Variants in ZNF280B observed in about 807,000 individuals in gnomAD.
ZNF280B encodes the protein suppressor of hairy wing homolog 2.
Under a neutral mutation model 38.0 loss-of-function variants are expected in ZNF280B, and 16 were observed. The ratio of observed to expected loss-of-function variants is 0.42; its 90% CI spans 0.28 to 0.64. The LOEUF is 0.64. ZNF280B is among the 30% of genes least tolerant of loss of function. The pLI, the probability that ZNF280B is intolerant of heterozygous loss-of-function variation, is 0.21. For missense variants in ZNF280B, 581 were observed against 639.6 expected (o/e 0.91, Z 0.99); for synonymous variants, 253 against 230.6 (o/e 1.10, Z -0.88).
At chr22:22,501,867 G>A (rs1249343652) in intron 2 of ZNF280B, among the ~76,000 whole-genome samples, 3 of 151,842 alleles carry the variant, frequency 2.0e-5, no homozygotes, top group South Asian at 2.1e-4. Context: ...AAAATTAACC[G>A]GGCGTGGTAG....
intron 2 of ZNF280B, among the ~76,000 whole-genome samples, chr22:22,505,791 A>G (rs2061925765): frequency 6.6e-6 from 1 of 151,746 alleles, no homozygotes; most frequent in South Asian, 2.1e-4. Flanking sequence ...CAAAAAATAA[A>G]AACAAATTCT....
chr22:22,501,738 A>G (rs759722332), intron 2 of ZNF280B, among the ~76,000 whole-genome samples: 3 of 151,504 alleles, frequency 2.0e-5, no homozygotes, highest in Non-Finnish European at 4.4e-5. Flanking sequence ...ACACAGGCAC[A>G]GTGGCTCATA....
In ZNF280B at chr22:22,486,368, A is replaced by G. The variant is rs2061501528; in HGVS notation, c.*1399T>C. The G allele has an allele frequency of 6.8e-6, 1 of 147,338 alleles. No homozygotes were observed. 9.1% of individuals were successfully genotyped at this position (147,338 alleles called of 1,614,324 possible). The stretch of plus-strand genomic sequence containing the variant: ...CTCATTCCAGCTTAACAGTGGGAAA[A>G]CTAAATTTAGCCCAGTCCAGGAACT... On this transcript the variant is annotated 3_prime_UTR_variant, in exon 4 of 4. Transcript: ENST00000626650.
chr22:22,503,640 C>T (rs867977005), intron 2 of ZNF280B, among the ~76,000 whole-genome samples: 1 of 151,900 alleles, frequency 6.6e-6, no homozygotes. Context: ...GAACTCTTCT[C>T]CGATACCAAG....
At chr22:22,500,595 C>T (rs1158231127) in intron 2 of ZNF280B, among the ~76,000 whole-genome samples, 1 of 151,852 alleles carries the variant, frequency 6.6e-6, no homozygotes. Flanking sequence ...GTGGCTCACA[C>T]CTGTAATCCC....
rs1280422704 is a variant in ZNF280B, at chr22:22,487,136, C to T, written c.*631G>A. The T allele has an allele frequency of 6.6e-6, 1 of 151,852 alleles. No homozygotes were observed. The highest frequency in any genetic ancestry group is 2.4e-5 in the African/African-American group (1 of 41,360). 9.4% of individuals were successfully genotyped at this position (151,852 alleles called of 1,614,324 possible). On this transcript the variant is annotated 3_prime_UTR_variant, in exon 4 of 4. Coordinates refer to ENST00000626650, the MANE Select transcript of ZNF280B (RefSeq NM_080764.4). ...AAAGAGCTTTCAAGCTTAGGAGTAA[C>T]ATGAAATACCAAAACAATAAATAGG...
rs199600621 is a variant in ZNF280B, at chr22:22,488,277, G to A, written c.1122C>T (p.Val374=). 13 of 1,613,756 alleles carry A rather than the reference G, an allele frequency of 8.1e-6. No homozygotes were observed. Among genetic ancestry groups the A allele is most frequent in the Non-Finnish European group, 1.1e-5 (13 of 1,179,982 alleles). ...NVHTAQEPST[V]CKICELSFET... ...CAAATGACAATTCACAGATTTTACA[G>A]ACAGTAGAGGGCTCCTGGGCAGTGT... Residue 374 remains valine, a synonymous_variant, in exon 4 of 4, where the codon GTC becomes GTT. Coordinates refer to ENST00000626650, the MANE Select transcript of ZNF280B (RefSeq NM_080764.4).
At chr22:22,491,268 T>C (rs1306102859) in intron 3 of ZNF280B, among the ~76,000 whole-genome samples, 6 of 151,744 alleles carry the variant, frequency 4.0e-5, no homozygotes, top group Non-Finnish European at 5.9e-5. Context: ...ACTTTATCCA[T>C]TGGAAATTCC....
rs1470516345 is a variant in ZNF280B at position 22,488,743 on chromosome 22, G to T, written c.656C>A (p.Ser219Ter). The change falls in exon 4 of 4, where the codon TCA becomes TAA. Residue 219 changes from serine (S) to a stop codon, truncating the protein, a stop_gained. Transcript: ENST00000626650. LOFTEE classifies it high-confidence loss of function. ...HTMNTQQSTP[S>*]NNVHTSLSHV... ...GCTTAATGAGGTATGAACATTATTTGAGGGTGTACTTTGCTGAGTATTCAT... is the reference window on the plus strand; with the variant it reads ...GCTTAATGAGGTATGAACATTATTTTAGGGTGTACTTTGCTGAGTATTCAT... 6.2e-7 allele frequency: 1 copy of T among 1,613,846 alleles called. No homozygotes were observed. The highest frequency in any genetic ancestry group is 1.7e-5 in the Admixed American group (1 of 59,992).
chr22:22,497,914 TA>T (rs1490230267), intron 2 of ZNF280B, among the ~76,000 whole-genome samples: 1 of 151,926 alleles, frequency 6.6e-6, no homozygotes, highest in Non-Finnish European at 1.5e-5. Context: ...TATACTTGTT[TA>T]TAGCAACAAC....
intron 2 of ZNF280B, among the ~76,000 whole-genome samples, chr22:22,495,511 T>C (rs891382930): frequency 2.5e-4 from 38 of 151,874 alleles, no homozygotes; most frequent in Non-Finnish European, 1.0e-4. Context: ...GATGACGTTA[T>C]AGAATTAGGA....
At chr22:22,503,712 G>A (rs1285620161) in intron 2 of ZNF280B, among the ~76,000 whole-genome samples, 1 of 151,958 alleles carries the variant, frequency 6.6e-6, no homozygotes, top group Non-Finnish European at 1.5e-5. Context: ...GACCAAGACA[G>A]TTATAGTTTA....
At chr22:22,499,043 C>G (rs1452154186) in intron 2 of ZNF280B, among the ~76,000 whole-genome samples, 1 of 151,670 alleles carries the variant, frequency 6.6e-6, no homozygotes, top group Non-Finnish European at 1.5e-5. Flanking sequence ...TCGTGATCCG[C>G]TCGCCTTGGC....
chr22:22,502,525 G>A (rs543495399), intron 2 of ZNF280B, among the ~76,000 whole-genome samples: 2 of 151,934 alleles, frequency 1.3e-5, no homozygotes, highest in East Asian at 3.9e-4. Context: ...GCAAACAACC[G>A]AATGTAAATT....
intron 2 of ZNF280B, among the ~76,000 whole-genome samples, chr22:22,499,177 C>T (rs1228437881): frequency 6.6e-6 from 1 of 151,868 alleles, no homozygotes; most frequent in Non-Finnish European, 1.5e-5. Context: ...GATTACATAC[C>T]ATGACCAAGT....
At chr22:22,503,910 C>T (rs892935324) in intron 2 of ZNF280B, among the ~76,000 whole-genome samples, 8 of 151,626 alleles carry the variant, frequency 5.3e-5, no homozygotes, top group African/African-American at 1.2e-4. Context: ...TGGGTCTCTG[C>T]GACTGGGAAG....
chr22:22,504,348 AC>A (rs1331083783), intron 2 of ZNF280B, among the ~76,000 whole-genome samples: 1 of 149,446 alleles, frequency 6.7e-6, no homozygotes, highest in Non-Finnish European at 1.5e-5. Context: ...AATTGCTTGA[AC>A]CCGGGAGGCA....
Position 22,487,771 on chromosome 22 carries a change from T to G in ZNF280B, c.1628A>C (p.His543Pro), listed in dbSNP as rs1370032742. 1 of 1,571,588 alleles carries G rather than the reference T, an allele frequency of 6.4e-7. No homozygotes were observed. ...RSKSKISKKS[H>P] ...TTAGATTTACTGAAACTAGAATTAA[T>G]GGGACTTTTTTGAAATTTTGCTTTT... The change falls in exon 4 of 4, where the codon CAT becomes CCT. Residue 543 changes from histidine (H) to proline (P), a missense_variant. Physicochemically the swap from His to Pro is moderately conservative, Grantham distance 77. Transcript: ENST00000626650.
chr22:22,503,471 G>C (rs1316919792), intron 2 of ZNF280B, among the ~76,000 whole-genome samples: 2 of 151,934 alleles, frequency 1.3e-5, no homozygotes, highest in East Asian at 3.9e-4. Flanking sequence ...AATTTTCAAA[G>C]CACCATTAAG....
Sources: gnomAD v4.1 joint callset for allele counts (sites outside exome capture counted in the v4.1 genomes callset) on GRCh38, gnomAD v4.1.1 for gene constraint, MANE v1.5 for transcripts, NCBI Gene and HGNC (gene_info 2026-07-23, HGNC 2026-07-21) for gene names.